The following UNC5D variants were observed in gnomAD, a reference collection of about 807,000 sequenced individuals.
UNC5D encodes the protein unc-5 netrin receptor D, also known as netrin receptor UNC5D.
UNC5D carries 39 observed loss-of-function variants against 105.4 expected under a neutral mutation model. That is an observed-to-expected ratio of 0.37 (90% CI 0.29 to 0.48). UNC5D has a LOEUF of 0.48. UNC5D is among the 20% of genes least tolerant of loss of function. The probability of loss-of-function intolerance (pLI) is 0.98; values close to 1 mark genes in which losing one functional copy is unlikely to be tolerated. For missense variants in UNC5D, 991 were observed against 1,202.4 expected, an observed-to-expected ratio of 0.82 and a Z score of 2.60; for synonymous variants, 452 against 450.4, an observed-to-expected ratio of 1.00 and a Z score of -0.04.
At chr8:35,280,744 G>A (rs1377323364) in intron 1 of UNC5D, among the ~76,000 whole-genome samples, 1 of 152,102 alleles carries the variant, frequency 6.6e-6, no homozygotes, top group East Asian at 1.9e-4. Flanking sequence ...ATTGCCACCA[G>A]TTTAGCCTTA....
chr8:35,676,954 T>G (rs572351957), intron 4 of UNC5D, among the ~76,000 whole-genome samples: 3 of 152,048 alleles, frequency 2.0e-5, no homozygotes, highest in Admixed American at 2.0e-4. Context: ...GGCCATCATA[T>G]AAGAATCAAA....
At chr8:35,498,093 A>C (rs1432848994) in intron 1 of UNC5D, among the ~76,000 whole-genome samples, 4 of 104,292 alleles carry the variant, frequency 3.8e-5, no homozygotes, top group African/African-American at 2.0e-4. Flanking sequence ...ACAAAAAAAA[A>C]AAAAAAAAAA....
At chr8:35,311,153 GAA>G (rs1401074768) in intron 1 of UNC5D, among the ~76,000 whole-genome samples, 10 of 152,184 alleles carry the variant, frequency 6.6e-5, no homozygotes, top group Non-Finnish European at 1.2e-4. Context: ...GGGGATTGGA[GAA>G]AGGACACATG....
intron 8 of UNC5D, among the ~76,000 whole-genome samples, chr8:35,710,934 C>CTTTTTTTTTTTTTTTTTTTT (rs775014566): frequency 2.6e-5 from 3 of 114,376 alleles, no homozygotes; most frequent in African/African-American, 1.2e-4. Flanking sequence ...CAGCATTATT[C>CTTTTTTTTTTTTTTTTTTTT]TTTTTTTTTT....
chr8:35,544,359 C>G, intron 1 of UNC5D: 2 of 1,580,284 alleles, frequency 1.3e-6, no homozygotes, highest in Non-Finnish European at 1.7e-6. Context: ...GGAACGTTTT[C>G]TGCCACAAAT....
At chr8:35,790,098 A>T in intron 16 of UNC5D, among the ~76,000 whole-genome samples, 1 of 152,148 alleles carries the variant, frequency 6.6e-6, no homozygotes, top group East Asian at 1.9e-4. Context: ...TGGGTGACAG[A>T]GCAAGACCCT....
At chr8:35,300,801 A>T (rs1300136574) in intron 1 of UNC5D, among the ~76,000 whole-genome samples, 4 of 152,202 alleles carry the variant, frequency 2.6e-5, no homozygotes, top group Non-Finnish European at 5.9e-5. Context: ...TATTCTATAG[A>T]TAATGAGAGG....
chr8:35,456,178 A>C (rs551635175), intron 1 of UNC5D, among the ~76,000 whole-genome samples: 1 of 152,290 alleles, frequency 6.6e-6, no homozygotes, highest in Admixed American at 6.5e-5. Flanking sequence ...ACCTGGCATT[A>C]TAATTTAATG....
At chr8:35,568,067 C>G (rs368054427) in intron 2 of UNC5D, 31 bp from the exon 3 acceptor site, 32 of 1,608,844 alleles carry the variant, frequency 2.0e-5, no homozygotes, top group African/African-American at 2.7e-5. Flanking sequence ...ACAGCCTCAG[C>G]TGATTTGTCT....
chr8:35,682,584 A>C (rs974382469), intron 4 of UNC5D, among the ~76,000 whole-genome samples: 2 of 152,230 alleles, frequency 1.3e-5, no homozygotes, highest in East Asian at 3.9e-4. Flanking sequence ...GATGTTGCTT[A>C]GACATGGAAG....
chr8:35,621,596 C>T lies in UNC5D; in HGVS notation c.570+25939C>T, dbSNP rs377510938. On this transcript the variant is annotated intron_variant, in intron 4 of 16. Transcript: ENST00000404895. ...GTGAAGGCTTAAGTTGTAGAATCTG[C>T]ACCGTGGTCATTGTCTACACTCTGC... Among the ~76,000 whole-genome samples the T allele has an allele frequency of 1.2e-4, 18 of 152,130 alleles. 1 individual carries two copies. Among genetic ancestry groups the T allele is most frequent in the African/African-American group, 4.3e-4 (18 of 41,508 alleles).
At chr8:35,707,495 G>A (rs1479691880) in intron 8 of UNC5D, among the ~76,000 whole-genome samples, 1 of 152,082 alleles carries the variant, frequency 6.6e-6, no homozygotes, top group Non-Finnish European at 1.5e-5. Context: ...GGGCATTGAG[G>A]GAGAGAGAAA....
At chr8:35,442,038 C>A (rs938124361) in intron 1 of UNC5D, among the ~76,000 whole-genome samples, 1 of 151,914 alleles carries the variant, frequency 6.6e-6, no homozygotes, top group Non-Finnish European at 1.5e-5. Flanking sequence ...CCCTGTACAA[C>A]CTGTACAGCT....
intron 4 of UNC5D, among the ~76,000 whole-genome samples, chr8:35,647,215 C>G (rs905929174): frequency 1.2e-4 from 18 of 152,188 alleles, no homozygotes; most frequent in African/African-American, 3.4e-4. Context: ...AACATAATCA[C>G]ATCTAGTCTC....
At chr8:35,475,798 A>G (rs938084416) in intron 1 of UNC5D, among the ~76,000 whole-genome samples, 1 of 152,142 alleles carries the variant, frequency 6.6e-6, no homozygotes, top group African/African-American at 2.4e-5. Context: ...ATAATGACCC[A>G]TCCCTTTTAC....
At chr8:35,665,964 T>G (rs1824393460) in intron 4 of UNC5D, among the ~76,000 whole-genome samples, 1 of 152,050 alleles carries the variant, frequency 6.6e-6, no homozygotes, top group Non-Finnish European at 1.5e-5. Context: ...TATACTTTTT[T>G]TTTTTTTGAC....
intron 7 of UNC5D, among the ~76,000 whole-genome samples, chr8:35,699,001 A>C (rs1826990301): frequency 6.6e-6 from 1 of 152,178 alleles, no homozygotes; most frequent in African/African-American, 2.4e-5. Context: ...GCAGAGTTGG[A>C]AGCATTGCAT....
intron 4 of UNC5D, among the ~76,000 whole-genome samples, chr8:35,678,170 T>C (rs1013547794): frequency 2.6e-5 from 4 of 152,142 alleles, no homozygotes; most frequent in Non-Finnish European, 4.4e-5. Context: ...CCAAGCATCT[T>C]GAGCATACAT....
intron 8 of UNC5D, among the ~76,000 whole-genome samples, chr8:35,720,228 C>T (rs1007719941): frequency 6.6e-6 from 1 of 152,186 alleles, no homozygotes; most frequent in African/African-American, 2.4e-5. Context: ...TGGTCATCCT[C>T]CTGGCTTCTG....
Sources: gnomAD v4.1 joint callset for allele counts (sites outside exome capture counted in the v4.1 genomes callset) on GRCh38, gnomAD v4.1.1 for gene constraint, MANE v1.5 for transcripts, NCBI Gene and HGNC (gene_info 2026-07-23, HGNC 2026-07-21) for gene names.